Variants in RNF213 observed in about 807,000 individuals in gnomAD.
The protein encoded by RNF213 is E3 ubiquitin-protein ligase RNF213.
A neutral mutation model predicts 514.4 loss-of-function variants in RNF213; 341 were observed. That is an observed-to-expected ratio of 0.66 (90% CI 0.61 to 0.73). RNF213 has a LOEUF of 0.73. Ranked by LOEUF, RNF213 falls within the 30% of genes least tolerant of loss-of-function variation. The pLI is 0.00. For synonymous variants in RNF213, 2,655 were observed against 2,658.2 expected (o/e 1.00, Z 0.04); for missense variants, 5,767 against 6,615.6 (o/e 0.87, Z 4.45).
Position 80,374,528 on chromosome 17 carries a change from G to C in RNF213, c.13013G>C (p.Arg4338Pro), listed in dbSNP as rs778836149. The change falls in exon 50 of 68, where the codon CGT becomes CCT. Residue 4338 changes from arginine to proline, a missense_variant. Transcript: ENST00000582970. Reference sequence around the variant, plus strand: ...TACGGCGATGAATACAAGGCTCTCCGTGATGCTGTGGCCAAAGCTGTCCTC... The same window carrying C: ...TACGGCGATGAATACAAGGCTCTCCCTGATGCTGTGGCCAAAGCTGTCCTC... ...LVYGDEYKAL[R>P]DAVAKAVLEC... 4 of 1,614,204 alleles carry C rather than the reference G, an allele frequency of 2.5e-6. No homozygotes were observed. In the South Asian group the frequency reaches 4.4e-5, roughly 18 times the overall value.
intron 54 of RNF213, 132 bp from the exon 55 acceptor site, chr17:80,379,488 C>A: frequency 1.1e-6 from 1 of 887,316 alleles, no homozygotes; most frequent in Non-Finnish European, 1.9e-6. Context: ...CCACCCGAAA[C>A]AAGCACACAC....
chr17:80,319,794 G>A (rs373828381), intron 17 of RNF213: 2 of 1,233,842 alleles, frequency 1.6e-6, no homozygotes, highest in Non-Finnish European at 2.1e-6. Flanking sequence ...TGTCTCCCAG[G>A]AACAGTCTCG....
Position 80,358,398 on chromosome 17 carries a change from C to T in RNF213, c.10973C>T (p.Pro3658Leu), listed in dbSNP as rs371575527. 4.0e-5 allele frequency: 64 copies of T among 1,613,538 alleles called. No homozygotes were observed. Among genetic ancestry groups the T allele is most frequent in the African/African-American group, 2.8e-4 (21 of 74,904 alleles). Residue 3658 changes from proline to leucine, a missense_variant, in exon 37 of 68, where the codon CCG becomes CTG. Physicochemically the swap from Pro to Leu is moderately conservative, Grantham distance 98. Around this residue, in one of 13 missense-constraint regions of RNF213, gnomAD observed 919 missense variants for 1,121.0 expected, o/e 0.82. Coordinates refer to ENST00000582970, the MANE Select transcript of RNF213 (RefSeq NM_001256071.3). ...GAGTTACTGACCAGGCCAGATACTCCGCCCTGGGCAAGAGATCTTTGGATG... is the reference window on the plus strand; with the variant it reads ...GAGTTACTGACCAGGCCAGATACTCTGCCCTGGGCAAGAGATCTTTGGATG... The part of the protein sequence containing the change: ...NLELLTRPDT[P>L]PWARDLWMFI...
At chr17:80,360,298 A>C in intron 38 of RNF213, 92 bp downstream of exon 38, 1 of 1,431,856 alleles carries the variant, frequency 7.0e-7, no homozygotes, top group Non-Finnish European at 9.6e-7. Flanking sequence ...CTAGAATTGC[A>C]AGGTGAATTT....
intron 2 of RNF213, among the ~76,000 whole-genome samples, chr17:80,269,085 G>T (rs980588805): frequency 1.3e-5 from 2 of 152,184 alleles, no homozygotes; most frequent in African/African-American, 4.8e-5. Flanking sequence ...AGCATAGGAG[G>T]AAGATGAAAG....
At chr17:80,354,289 A>G in intron 35 of RNF213, 123 bp downstream of exon 35, 1 of 1,492,552 alleles carries the variant, frequency 6.7e-7, no homozygotes. Context: ...AGAAGCAGTG[A>G]CACAGTGGGA....
intron 1 of RNF213, among the ~76,000 whole-genome samples, 188 bp downstream of exon 1, chr17:80,261,090 C>T (rs1418287928): frequency 6.6e-6 from 1 of 152,016 alleles, no homozygotes; most frequent in Admixed American, 6.5e-5. Context: ...GCCCGCGGCG[C>T]CCACTGACCC....
At chr17:80,313,363 A>G (rs1243441295) in intron 15 of RNF213, among the ~76,000 whole-genome samples, 196 bp downstream of exon 15, 1 of 152,104 alleles carries the variant, frequency 6.6e-6, no homozygotes. Flanking sequence ...GCCGGGTGCA[A>G]AGTGCTGCTG....
At chr17:80,305,991 C>A (rs1191686079) in intron 11 of RNF213, among the ~76,000 whole-genome samples, 1 of 151,896 alleles carries the variant, frequency 6.6e-6, no homozygotes, top group East Asian at 1.9e-4. Context: ...TTCCACATAG[C>A]CTTTATTTTA....
chr17:80,380,047 T>C (rs144040476), intron 55 of RNF213, among the ~76,000 whole-genome samples: 2 of 152,240 alleles, frequency 1.3e-5, no homozygotes, highest in African/African-American at 2.4e-5. Flanking sequence ...AGGACATCTA[T>C]GTCTGCAGGA....
intron 60 of RNF213, 72 bp downstream of exon 60, chr17:80,385,243 A>G: frequency 6.3e-7 from 1 of 1,588,190 alleles, no homozygotes; most frequent in Non-Finnish European, 8.6e-7. Flanking sequence ...GCATAGGGGA[A>G]CAGGGTGGGG....
At position 80,294,886 on chromosome 17, in the gene RNF213, C is replaced by T. The variant is rs760322802; in HGVS notation, c.1638C>T (p.Thr546=). The change falls in exon 9 of 68, where the codon ACC becomes ACT. Residue 546 remains threonine (T), a synonymous_variant. Coordinates refer to ENST00000582970, the MANE Select transcript of RNF213 (RefSeq NM_001256071.3). ...STFSILQTWD[T]INLNSFFTQF... ...TCAGCATCCTGCAGACCTGGGACAC[C>T]ATCAACCTGAACAGCTTCTTCACCC... 1 of 1,614,226 alleles carries T rather than the reference C, an allele frequency of 6.2e-7. No individual in the cohort carries two copies. The highest frequency in any genetic ancestry group is 8.5e-7 in the Non-Finnish European group (1 of 1,180,046).
chr17:80,356,611 T>G (rs2078833079), intron 36 of RNF213, among the ~76,000 whole-genome samples: 1 of 152,350 alleles, frequency 6.6e-6, no homozygotes, highest in Non-Finnish European at 1.5e-5. Context: ...TCCCGAACTC[T>G]GCCTGCCTGT....
At chr17:80,374,269 C>T (rs1350515603) in intron 49 of RNF213, among the ~76,000 whole-genome samples, 189 bp from the exon 50 acceptor site, 4 of 152,228 alleles carry the variant, frequency 2.6e-5, no homozygotes, top group Non-Finnish European at 2.9e-5. Flanking sequence ...TGCACCTCTT[C>T]GTCTACTGAG....
chr17:80,365,503 A>C (rs2079229582), intron 42 of RNF213: 1 of 151,126 alleles, frequency 6.6e-6, no homozygotes, highest in Non-Finnish European at 1.5e-5. Flanking sequence ...AGCCTGTGGG[A>C]CAGAAAGCAG....
intron 3 of RNF213, among the ~76,000 whole-genome samples, chr17:80,273,613 CTT>C (rs56957242): frequency 0.061 from 5,968 of 97,528 alleles, 150 homozygotes; most frequent in East Asian, 0.18. Flanking sequence ...CCTCCACCGT[CTT>C]TTTTTTTTTT....
At chr17:80,393,307 G>A (rs1568178799) in intron 67 of RNF213, 38 bp from the exon 68 acceptor site, 1 of 1,606,502 alleles carries the variant, frequency 6.2e-7, no homozygotes, top group Non-Finnish European at 8.5e-7. Context: ...ACCATGCTGA[G>A]GAGACTGTTT....
chr17:80,310,608 A>G (rs2045537612), intron 14 of RNF213, among the ~76,000 whole-genome samples: 1 of 150,936 alleles, frequency 6.6e-6, no homozygotes, highest in Non-Finnish European at 1.5e-5. Flanking sequence ...GCTGTAGTGC[A>G]ATGGCGTGAT....
chr17:80,376,779 G>T, intron 52 of RNF213, 103 bp from the exon 53 acceptor site: 1 of 1,175,616 alleles, frequency 8.5e-7, no homozygotes, highest in South Asian at 1.3e-5. Flanking sequence ...TCCAGCAGAA[G>T]GAAAGCAGAG....
Sources: gnomAD v4.1 joint callset for allele counts (sites outside exome capture counted in the v4.1 genomes callset) on GRCh38, gnomAD v4.1.1 for gene constraint, gnomAD v4.1.1 regional missense constraint, MANE v1.5 for transcripts, NCBI Gene and HGNC (gene_info 2026-07-23, HGNC 2026-07-21) for gene names.